SLC14A2: variants seen among roughly 807,000 people sequenced by gnomAD.
The protein encoded by SLC14A2 is urea transporter 2.
In SLC14A2, 91 loss-of-function variants were observed where a neutral mutation model predicts 104.6. That is an observed-to-expected ratio of 0.87 (90% confidence interval 0.73 to 1.04). The LOEUF (loss-of-function observed/expected upper bound fraction) is 1.04. SLC14A2 is among the 50% of genes least tolerant of loss of function. The pLI is 0.00. For missense variants in SLC14A2, 1,189 were observed against 1,156.0 expected (o/e 1.03, Z -0.41); for synonymous variants, 476 against 466.4 (o/e 1.02, Z -0.27).
intron 2 of SLC14A2, chr18:45,489,809 A>C (rs2144724522): frequency 6.6e-6 from 1 of 152,294 alleles, no homozygotes; most frequent in African/African-American, 2.4e-5. Flanking sequence ...TGAATTTCAC[A>C]TTTTGTCTCA....
At chr18:45,672,738 C>G (rs1257111640) in intron 16 of SLC14A2, among the ~76,000 whole-genome samples, 162 bp from the exon 17 acceptor site, 1 of 152,192 alleles carries the variant, frequency 6.6e-6, no homozygotes, top group African/African-American at 2.4e-5. Context: ...GATAATAAAG[C>G]TTTTGTTCCT....
chr18:45,383,166 T>C lies in SLC14A2; in HGVS notation c.-124-100067T>C, dbSNP rs556250025. 3.3e-5 allele frequency among the ~76,000 whole-genome samples: 5 copies of C among 152,330 alleles called. No individual in the cohort carries two copies. In the East Asian group the frequency reaches 9.6e-4, roughly 29 times the overall value. Reference sequence around the variant, plus strand: ...AAATGACTTTCCCAAGATCACAGAATGGGTTAGCGAGAAAAGCAGGACCAA... The same window carrying C: ...AAATGACTTTCCCAAGATCACAGAACGGGTTAGCGAGAAAAGCAGGACCAA... On this transcript the variant is annotated intron_variant, in intron 1 of 20. Transcript: ENST00000586448.
intron 1 of SLC14A2, among the ~76,000 whole-genome samples, chr18:45,303,892 C>T (rs11660019): frequency 0.11 from 16,091 of 152,198 alleles, 911 homozygotes; most frequent in South Asian, 0.14. Context: ...TCAATGCTCC[C>T]ACTGCTCCTC....
intron 1 of SLC14A2, among the ~76,000 whole-genome samples, chr18:45,295,329 A>G (rs1484584973): frequency 6.6e-6 from 1 of 151,774 alleles, no homozygotes; most frequent in Non-Finnish European, 1.5e-5. Context: ...ATAGGGGAAT[A>G]CTCATGGAAA....
At chr18:45,278,656 G>A (rs891464891) in intron 1 of SLC14A2, among the ~76,000 whole-genome samples, 2 of 152,074 alleles carry the variant, frequency 1.3e-5, no homozygotes, top group Non-Finnish European at 2.9e-5. Context: ...CAAAATCCAT[G>A]CATACTGTAG....
intron 11 of SLC14A2, among the ~76,000 whole-genome samples, chr18:45,664,908 A>T (rs2045990712): frequency 6.6e-6 from 1 of 152,020 alleles, no homozygotes; most frequent in Non-Finnish European, 1.5e-5. Flanking sequence ...ATTCCTCCTA[A>T]CATCGTCTCA....
At chr18:45,287,706 C>A (rs1353203291) in intron 1 of SLC14A2, among the ~76,000 whole-genome samples, 1 of 152,226 alleles carries the variant, frequency 6.6e-6, no homozygotes, top group African/African-American at 2.4e-5. Context: ...CTTCCACCTT[C>A]TCTGGCTTCC....
chr18:45,637,552 G>C (rs1248038018), intron 6 of SLC14A2, among the ~76,000 whole-genome samples: 1 of 152,144 alleles, frequency 6.6e-6, no homozygotes, highest in Non-Finnish European at 1.5e-5. Context: ...GTCAGATAAA[G>C]GGGCAAGATA....
In SLC14A2 at chr18:45,521,386, T is replaced by C. The variant is rs530181139; in HGVS notation, c.-35+38064T>C. Among the ~76,000 whole-genome samples the C allele has an allele frequency of 6.6e-5, 10 of 152,196 alleles. No individual in the cohort carries two copies. The South Asian group carries it at 2.1e-3, about 32-fold the overall frequency. Reference sequence around the variant, plus strand: ...ATAACTCAGAAAGAGTGCACAGGGTTAGGGATAGAGACTCACACAAGACAG... The same window carrying C: ...ATAACTCAGAAAGAGTGCACAGGGTCAGGGATAGAGACTCACACAAGACAG... On this transcript the variant is annotated intron_variant, in intron 2 of 20. Transcript: ENST00000586448.
chr18:45,399,253 T>C lies in SLC14A2; in HGVS notation c.-124-83980T>C, dbSNP rs1388037225. On this transcript the variant is annotated intron_variant, in intron 1 of 20. Coordinates refer to the SLC14A2 transcript ENST00000586448. ...TACACCTGGTAGAGCAAACTACCAT[T>C]CCAGATTTTAAAGATAACCTTGGAC... is the stretch of plus-strand genomic sequence containing the variant. Among the ~76,000 whole-genome samples, 7 of 152,154 alleles carry C rather than the reference T, an allele frequency of 4.6e-5. No homozygotes were observed. The East Asian group carries it at 1.3e-3, about 29-fold the overall frequency.
intron 2 of SLC14A2, among the ~76,000 whole-genome samples, chr18:45,495,865 T>C (rs1267736003): frequency 6.6e-6 from 1 of 152,190 alleles, no homozygotes; most frequent in African/African-American, 2.4e-5. Flanking sequence ...GCCTATGTCA[T>C]GAGACCAAGT....
chr18:45,355,348 G>T (rs1357184770), intron 1 of SLC14A2, among the ~76,000 whole-genome samples: 1 of 151,996 alleles, frequency 6.6e-6, no homozygotes, highest in Non-Finnish European at 1.5e-5. Context: ...GGCCGAGGTG[G>T]GTGGATCACG....
At chr18:45,278,863 A>C (rs1387577824) in intron 1 of SLC14A2, among the ~76,000 whole-genome samples, 1 of 152,198 alleles carries the variant, frequency 6.6e-6, no homozygotes, top group East Asian at 1.9e-4. Flanking sequence ...TTACTTTTCT[A>C]AACAGCGTGG....
rs183487188 is a variant in SLC14A2, at chr18:45,440,953, C to A, written c.-124-42280C>A. On this transcript the variant is annotated intron_variant, in intron 1 of 20. Coordinates refer to the SLC14A2 transcript ENST00000586448. ...AAACAGCATCCTCCCTGAGGATCAT[C>A]CAGGCTGCCGTGTTCGTGCTTCATT... Among the ~76,000 whole-genome samples the A allele has an allele frequency of 1.7e-3, 266 of 152,248 alleles. 3 individuals carry two copies. The highest frequency in any genetic ancestry group is 6.2e-3 in the African/African-American group (256 of 41,534).
intron 1 of SLC14A2, among the ~76,000 whole-genome samples, chr18:45,402,315 T>C (rs564369488): frequency 5.3e-5 from 8 of 152,320 alleles, no homozygotes; most frequent in African/African-American, 1.7e-4. Flanking sequence ...TTATTCCGTA[T>C]GAAGTAATTA....
intron 1 of SLC14A2, among the ~76,000 whole-genome samples, chr18:45,451,819 A>G (rs1387954635): frequency 3.3e-5 from 5 of 152,136 alleles, no homozygotes; most frequent in Non-Finnish European, 7.4e-5. Context: ...TCAGCAACAA[A>G]CTATTCAAAA....
chr18:45,621,482 T>C (rs2045169176), intron 1 of SLC14A2, among the ~76,000 whole-genome samples: 1 of 152,228 alleles, frequency 6.6e-6, no homozygotes, highest in Non-Finnish European at 1.5e-5. Flanking sequence ...CCCACGCTGT[T>C]CTGAAACCAC....
intron 1 of SLC14A2, among the ~76,000 whole-genome samples, chr18:45,480,784 A>G (rs1293591506): frequency 1.3e-5 from 2 of 152,260 alleles, no homozygotes; most frequent in African/African-American, 2.4e-5. Context: ...TGCCCTGTCC[A>G]GAGAAACATT....
At position 45,252,413 on chromosome 18, in the gene SLC14A2, G is replaced by T. The variant is rs571541371; in HGVS notation, c.-125+39222G>T. On this transcript the variant is annotated intron_variant, in intron 1 of 20. Coordinates refer to the SLC14A2 transcript ENST00000586448. ...GAGGGGTGTCCCTCAGGGTTCCCCA[G>T]TGTTTGCTTTGTTAAATATAGATAG... is the stretch of plus-strand genomic sequence containing the variant. Among the ~76,000 whole-genome samples the T allele has an allele frequency of 8.5e-5, 13 of 152,320 alleles. No homozygotes were observed. In the South Asian group the frequency reaches 2.7e-3, roughly 32 times the overall value.
Sources: allele counts gnomAD v4.1 joint callset (sites outside exome capture counted in the v4.1 genomes callset), GRCh38; gene constraint gnomAD v4.1.1; transcripts MANE v1.5; gene names NCBI Gene and HGNC (gene_info 2026-07-23, HGNC 2026-07-21).